The following PCSK5 variants were observed in gnomAD, a reference collection of about 807,000 sequenced individuals.
The protein encoded by PCSK5 is prohormone convertase 5.
A neutral mutation model predicts 233.2 loss-of-function variants in PCSK5; 129 were observed. That is an observed-to-expected ratio of 0.55 (90% CI 0.48 to 0.64). The LOEUF (loss-of-function observed/expected upper bound fraction) is 0.64. Among genes scored for constraint, PCSK5 ranks in the 30% least tolerant of loss-of-function variants. PCSK5 has a pLI of 0.00. For missense variants in PCSK5, 2,076 were observed against 2,430.1 expected, an observed-to-expected ratio of 0.85 and a Z score of 3.06; for synonymous variants, 825 against 879.2, an observed-to-expected ratio of 0.94 and a Z score of 1.09.
chr9:76,060,631 A>G (rs2131579271), intron 5 of PCSK5, among the ~76,000 whole-genome samples: 1 of 152,342 alleles, frequency 6.6e-6, no homozygotes, highest in South Asian at 2.1e-4. Context: ...TAGGGTTAAA[A>G]AATCCAGGGT....
At chr9:76,024,565 C>A (rs1227353634) in intron 4 of PCSK5, among the ~76,000 whole-genome samples, 1 of 152,194 alleles carries the variant, frequency 6.6e-6, no homozygotes, top group Non-Finnish European at 1.5e-5. Context: ...GCCTGTGCCC[C>A]AGCAGAGATG....
chr9:75,969,552 C>T (rs1298286624), intron 2 of PCSK5, among the ~76,000 whole-genome samples: 1 of 152,152 alleles, frequency 6.6e-6, no homozygotes, highest in Admixed American at 6.5e-5. Context: ...CAGCTTTCTA[C>T]TTTCTTTATA....
intron 35 of PCSK5, among the ~76,000 whole-genome samples, chr9:76,348,551 T>C (rs926020070): frequency 6.6e-6 from 1 of 151,978 alleles, no homozygotes; most frequent in East Asian, 1.9e-4. Context: ...CAAGCCATGA[T>C]TGCACCGTTG....
chr9:76,238,819 A>G, intron 22 of PCSK5, 140 bp from the exon 23 acceptor site: 1 of 622,394 alleles, frequency 1.6e-6, no homozygotes, highest in Admixed American at 2.8e-5. Flanking sequence ...TTTTCATTAA[A>G]TCCATCCTTA....
chr9:76,295,338 G>A lies in PCSK5; in HGVS notation c.3249G>A (p.Lys1083=). Residue 1083 remains lysine (K), a synonymous_variant, in exon 26 of 38, where the codon AAG becomes AAA. Transcript: ENST00000674117. ...CCTACAGTGAGGAAGTGGAATGCAA[G>A]GCGTGTGATAGTAACTGTGGCAGCT... The part of the protein sequence containing the change: ...EKTYSEEVEC[K]ACDSNCGSCD... 1 of 1,611,926 alleles carries A rather than the reference G, an allele frequency of 6.2e-7. No homozygotes were observed. Among genetic ancestry groups the A allele is most frequent in the East Asian group, 2.2e-5 (1 of 44,858 alleles).
intron 2 of PCSK5, among the ~76,000 whole-genome samples, chr9:75,936,510 C>T (rs1193066420): frequency 6.6e-6 from 1 of 152,228 alleles, no homozygotes; most frequent in Non-Finnish European, 1.5e-5. Context: ...ACAGCATCTT[C>T]ACCAGTAGAT....
chr9:76,240,698 C>T lies in PCSK5; in HGVS notation c.3142+14C>T, dbSNP rs1826404626. On this transcript the variant is annotated intron_variant, in intron 24 of 37. Coordinates refer to ENST00000674117, the MANE Select transcript of PCSK5 (RefSeq NM_001372043.1). ...GATGCAGCTTGGGTATGTCCTCTTCCTTTGTCACCTAAAGAGTTGAAATAG... is the reference window on the plus strand; with the variant it reads ...GATGCAGCTTGGGTATGTCCTCTTCTTTTGTCACCTAAAGAGTTGAAATAG... The T allele has an allele frequency of 2.6e-6, 4 of 1,549,902 alleles. No homozygotes were observed. The highest frequency in any genetic ancestry group is 3.5e-6 in the Non-Finnish European group (4 of 1,136,356).
At chr9:76,282,120 C>T (rs140806577) in intron 24 of PCSK5, among the ~76,000 whole-genome samples, 36 of 14,456 alleles carry the variant, frequency 2.5e-3, no homozygotes, top group Admixed American at 8.0e-3. Context: ...CTTTTCTTTG[C>T]TTTTTTTTTT....
At chr9:76,128,398 T>C (rs1033973846) in intron 9 of PCSK5, among the ~76,000 whole-genome samples, 3 of 152,234 alleles carry the variant, frequency 2.0e-5, no homozygotes, top group African/African-American at 7.2e-5. Flanking sequence ...TTGATTTCAA[T>C]GCATGTGATC....
At chr9:76,024,955 T>G (rs1828357182) in intron 4 of PCSK5, among the ~76,000 whole-genome samples, 1 of 152,204 alleles carries the variant, frequency 6.6e-6, no homozygotes, top group Non-Finnish European at 1.5e-5. Context: ...ATCATTTTGG[T>G]TGGTCCTCTG....
At chr9:76,243,385 C>T (rs796671113) in intron 24 of PCSK5, among the ~76,000 whole-genome samples, 6 of 152,192 alleles carry the variant, frequency 3.9e-5, no homozygotes, top group African/African-American at 1.2e-4. Context: ...AGACAACCTG[C>T]CAGAGTAGAG....
chr9:76,195,574 A>ATGT (rs940054917), intron 20 of PCSK5: 3 of 152,162 alleles, frequency 2.0e-5, no homozygotes, highest in Non-Finnish European at 2.9e-5. Flanking sequence ...GTTTAAGTTA[A>ATGT]TGTTATATAT....
At position 76,310,676 on chromosome 9, in the gene PCSK5, G is replaced by A. The variant is rs770518380; in HGVS notation, c.3709G>A (p.Ala1237Thr). Residue 1237 changes from alanine to threonine, a missense_variant, in exon 30 of 38, where the codon GCC becomes ACC. Ala to Thr is a moderately conservative substitution (Grantham distance 58, BLOSUM62 0). Transcript: ENST00000674117. Reference sequence around the variant, plus strand: ...TCTAGGTGCATATCTTCTGGCTCAGGCCTGTGTTTCCTCCTGTCCCCAAGG... The same window carrying A: ...TCTAGGTGCATATCTTCTGGCTCAGACCTGTGTTTCCTCCTGTCCCCAAGG... ...CPKGAYLLAQ[A>T]CVSSCPQGTW... The A allele has an allele frequency of 2.5e-6, 4 of 1,592,760 alleles. No homozygotes were observed. In the Admixed American group the frequency reaches 7.2e-5, roughly 29 times the overall value.
intron 32 of PCSK5, among the ~76,000 whole-genome samples, chr9:76,324,423 G>A (rs1205132887): frequency 1.3e-5 from 2 of 152,004 alleles, no homozygotes; most frequent in African/African-American, 4.8e-5. Flanking sequence ...TAGAGACAGG[G>A]TTTCACCATG....
At chr9:76,316,944 G>C (rs1010606705) in intron 30 of PCSK5, among the ~76,000 whole-genome samples, 2 of 151,850 alleles carry the variant, frequency 1.3e-5, no homozygotes, top group African/African-American at 2.4e-5. Flanking sequence ...CTCTGTCATG[G>C]TCAAAAAAAA....
intron 2 of PCSK5, among the ~76,000 whole-genome samples, chr9:75,957,537 A>C (rs889104023): frequency 1.3e-5 from 2 of 152,202 alleles, no homozygotes. Flanking sequence ...TTTCTGACAA[A>C]AACATAGTTT....
chr9:76,321,688 T>C (rs753589430), intron 31 of PCSK5, 49 bp downstream of exon 31: 4 of 1,242,680 alleles, frequency 3.2e-6, no homozygotes, highest in South Asian at 1.3e-5. Flanking sequence ...GAGCCACCAG[T>C]TGGGGGCCGA....
chr9:76,138,023 T>C lies in PCSK5; in HGVS notation c.1312+3811T>C, dbSNP rs149946646. On this transcript the variant is annotated intron_variant, in intron 10 of 37. Transcript: ENST00000674117. Reference sequence around the variant, plus strand: ...TGAAGGCTTTTGCCATTCCAGCTGGTTTTCCTTCCTGGAATTTAATGGATG... The same window carrying C: ...TGAAGGCTTTTGCCATTCCAGCTGGCTTTCCTTCCTGGAATTTAATGGATG... 1.6e-4 allele frequency among the ~76,000 whole-genome samples: 24 copies of C among 152,224 alleles called. No individual in the cohort carries two copies. The East Asian group carries it at 4.2e-3, about 27-fold the overall frequency.
At position 76,351,533 on chromosome 9, in the gene PCSK5, G is replaced by GAAAGAAAGAAAGAAAGA. The variant is rs1354864321; in HGVS notation, c.5067+607_5067+608insAGAAAGAAAGAAAGAAA. ...GAAAGAAAGAAAGAAAGAAAGAAAGGAAGGAAAGAAAGAGAAAGAAGAGAG... is the reference window on the plus strand; with the variant it reads ...GAAAGAAAGAAAGAAAGAAAGAAAGGAAAGAAAGAAAGAAAGAAAGGAAAGAAAGAGAAAGAAGAGAG... On this transcript the variant is annotated intron_variant, in intron 36 of 37. Coordinates refer to ENST00000674117, the MANE Select transcript of PCSK5 (RefSeq NM_001372043.1). Among the ~76,000 whole-genome samples the GAAAGAAAGAAAGAAAGA allele has an allele frequency of 1.5e-3, 23 of 15,850 alleles. 5 individuals are homozygous for GAAAGAAAGAAAGAAAGA. The highest frequency in any genetic ancestry group is 4.8e-3 in the Non-Finnish European group (18 of 3,724). 10.4% of individuals were successfully genotyped at this position (15,850 alleles called of 152,430 possible). A position where few individuals can be genotyped will look rare whatever the true frequency, so the allele number is the denominator to read the frequency against.
Sources: allele counts gnomAD v4.1 joint callset (sites outside exome capture counted in the v4.1 genomes callset), GRCh38; gene constraint gnomAD v4.1.1; transcripts MANE v1.5; gene names NCBI Gene and HGNC (gene_info 2026-07-23, HGNC 2026-07-21).